CCNYL1: variants seen among roughly 807,000 people sequenced by gnomAD.
The protein encoded by CCNYL1 is cyclin Y like 1.
In CCNYL1, 16 loss-of-function variants were observed where a neutral mutation model predicts 44.2. That is an observed-to-expected ratio of 0.36 (90% CI 0.25 to 0.55). CCNYL1 has a LOEUF of 0.55. Among genes scored for constraint, CCNYL1 ranks in the 20% least tolerant of loss-of-function variants. The pLI, the probability that CCNYL1 is intolerant of heterozygous loss-of-function variation, is 0.85. For synonymous variants in CCNYL1, 159 were observed against 163.2 expected (o/e 0.97, Z 0.20); for missense variants, 348 against 451.8 (o/e 0.77, Z 2.08).
rs543689322 is a variant in CCNYL1, at chr2:207,712,112, C to T, written c.216C>T (p.Pro72=). The T allele has an allele frequency of 1.2e-5, 19 of 1,598,486 alleles. No individual in the cohort carries two copies. The highest frequency in any genetic ancestry group is 1.2e-4 in the Admixed American group (7 of 59,194). The change falls in exon 1 of 10, where the codon CCC becomes CCT. Residue 72 remains proline (P), a synonymous_variant. Coordinates refer to ENST00000295414, the MANE Select transcript of CCNYL1 (RefSeq NM_001330218.2). ...HLQHISDREM[P]EDLALESNPS... is the part of the protein sequence containing the mutation. ...AGCACATCAGCGACCGCGAGATGCC[C>T]GAAGGTAAGGAGGCGGCGGATGCCA...
chr2:207,723,762 C>T (rs775673353), intron 1 of CCNYL1, among the ~76,000 whole-genome samples: 1 of 150,228 alleles, frequency 6.7e-6, no homozygotes, highest in Non-Finnish European at 1.5e-5. Context: ...GTAATCCCAG[C>T]TATTTGGGAT....
intron 1 of CCNYL1, among the ~76,000 whole-genome samples, chr2:207,713,651 A>G (rs1033841010): frequency 3.0e-4 from 46 of 152,238 alleles, no homozygotes; most frequent in African/African-American, 1.1e-3. Flanking sequence ...AGATTTCATT[A>G]CTATAGAAGA....
chr2:207,712,218 C>G lies in CCNYL1; in HGVS notation c.220+102C>G. ...TCCGCCGCCTCGGGCTCCTTCCTGC[C>G]GGTAGCCGGCCCCGGGACGAAGGCT... On this transcript the variant is annotated intron_variant, in intron 1 of 9. Transcript: ENST00000295414. The G allele has an allele frequency of 7.4e-6, 7 of 950,734 alleles. No homozygotes were observed. In the South Asian group the frequency reaches 8.0e-5, roughly 11 times the overall value. 58.9% of individuals were successfully genotyped at this position (950,734 alleles called of 1,614,324 possible).
In CCNYL1 at chr2:207,754,872, A is replaced by G. The variant is rs1242213792; in HGVS notation, c.*1174A>G. 6.6e-6 allele frequency: 1 copy of G among 152,048 alleles called. No homozygotes were observed. Among genetic ancestry groups the G allele is most frequent in the African/African-American group, 2.4e-5 (1 of 41,292 alleles). 9.4% of individuals were successfully genotyped at this position (152,048 alleles called of 1,614,324 possible). On this transcript the variant is annotated 3_prime_UTR_variant, in exon 10 of 10. Transcript: ENST00000295414. ...AGACATTGACTGAAACAAAAAATTA[A>G]AAGCTTTATATTCAAAATTTGCAAA...
At chr2:207,742,610 A>G (rs933277636) in intron 7 of CCNYL1, among the ~76,000 whole-genome samples, 19 of 152,162 alleles carry the variant, frequency 1.2e-4, no homozygotes, top group African/African-American at 3.1e-4. Flanking sequence ...GCACATGTAC[A>G]CATTCAGTGT....
chr2:207,747,240 T>C, intron 8 of CCNYL1, 27 bp downstream of exon 8: 1 of 1,583,646 alleles, frequency 6.3e-7, no homozygotes, highest in Non-Finnish European at 8.6e-7. Context: ...TTGGTGAACT[T>C]TCTAACCATT....
intron 5 of CCNYL1, among the ~76,000 whole-genome samples, chr2:207,739,273 C>T (rs540629009): frequency 2.6e-5 from 4 of 152,234 alleles, no homozygotes; most frequent in Admixed American, 1.3e-4. Context: ...CACTCTGTTG[C>T]CCAGGCTGGA....
intron 7 of CCNYL1, among the ~76,000 whole-genome samples, chr2:207,745,767 G>A (rs1370087690): frequency 2.0e-5 from 3 of 152,114 alleles, no homozygotes; most frequent in African/African-American, 4.8e-5. Context: ...TGGCCAACAT[G>A]GTGAAACCCC....
rs1266641524 is a variant in CCNYL1, at chr2:207,754,843, TAGC to T, written c.*1148_*1150del. 6.5e-6 allele frequency: 1 copy of T among 153,772 alleles called. No individual in the cohort carries two copies. The highest frequency in any genetic ancestry group is 2.0e-4 in the East Asian group (1 of 5,124). The allele number at this position is 153,772 out of a possible 1,614,324, so 9.5% of individuals were successfully genotyped here. On this transcript the variant is annotated 3_prime_UTR_variant, in exon 10 of 10. Coordinates refer to ENST00000295414, the MANE Select transcript of CCNYL1 (RefSeq NM_001330218.2). ...AATTTTTTGTTTCGGTCACTCTTGA[TAGC>T]AGACATTGACTGAAACAAAAAATTA...
chr2:207,712,182 C>G, intron 1 of CCNYL1, 66 bp downstream of exon 1: 1 of 1,384,168 alleles, frequency 7.2e-7, no homozygotes, highest in Non-Finnish European at 9.8e-7. Context: ...CCCAGAGTCC[C>G]CCGGGAGGCA....
At chr2:207,717,002 G>A (rs560504073) in intron 1 of CCNYL1, among the ~76,000 whole-genome samples, 105 of 151,878 alleles carry the variant, frequency 6.9e-4, no homozygotes, top group Non-Finnish European at 1.1e-3. Flanking sequence ...CCAGCTACTC[G>A]GGAGGCTGAG....
At chr2:207,724,647 G>A (rs936604672) in intron 1 of CCNYL1, among the ~76,000 whole-genome samples, 153 bp from the exon 2 acceptor site, 1 of 152,132 alleles carries the variant, frequency 6.6e-6, no homozygotes, top group African/African-American at 2.4e-5. Context: ...CATTCCCCAG[G>A]AGTATTTTTG....
At position 207,731,808 on chromosome 2, in the gene CCNYL1, T is replaced by C. The variant is rs1191171293; in HGVS notation, c.331-2139T>C. Among the ~76,000 whole-genome samples the C allele has an allele frequency of 2.6e-3, 6 of 2,304 alleles. No homozygotes were observed. In the Admixed American group the frequency reaches 0.062, roughly 24 times the overall value. The allele number at this position is 2,304 out of a possible 152,430, so 1.5% of individuals were successfully genotyped here. The stretch of plus-strand genomic sequence containing the variant: ...ATTGATTAGCAGAGAGGTTTCTTCT[T>C]TTTTTTTTTTTTTTTTTTTGAGACC... On this transcript the variant is annotated intron_variant, in intron 3 of 9. Coordinates refer to ENST00000295414, the MANE Select transcript of CCNYL1 (RefSeq NM_001330218.2).
chr2:207,744,151 A>G (rs944896551), intron 7 of CCNYL1, among the ~76,000 whole-genome samples: 2 of 152,148 alleles, frequency 1.3e-5, no homozygotes, highest in African/African-American at 4.8e-5. Flanking sequence ...TTGAGCAGTG[A>G]CCTGATCAAA....
At position 207,747,161 on chromosome 2, in the gene CCNYL1, G is replaced by A. The variant is rs766178986; in HGVS notation, c.754G>A (p.Val252Ile). Residue 252 changes from valine (V) to isoleucine (I), a missense_variant, in exon 8 of 10, where the codon GTA (valine) becomes ATA (isoleucine). Physicochemically the swap from Val to Ile is conservative, Grantham distance 29. Around this residue, in one of 3 missense-constraint regions of CCNYL1, gnomAD observed 45 missense variants for 101.7 expected, o/e 0.44. Coordinates refer to ENST00000295414, the MANE Select transcript of CCNYL1 (RefSeq NM_001330218.2). ...LASKVWDDQA[V>I]WNVDYCQILK... Reference sequence around the variant, plus strand: ...CTCCAAGGTTTGGGACGATCAGGCTGTATGGAATGTGGACTACTGCCAGAT... The same window carrying A: ...CTCCAAGGTTTGGGACGATCAGGCTATATGGAATGTGGACTACTGCCAGAT... The A allele has an allele frequency of 6.2e-6, 10 of 1,614,010 alleles. No homozygotes were observed. The highest frequency in any genetic ancestry group is 4.5e-5 in the East Asian group (2 of 44,886).
At chr2:207,725,903 A>G (rs1455996302) in intron 2 of CCNYL1, among the ~76,000 whole-genome samples, 3 of 152,256 alleles carry the variant, frequency 2.0e-5, no homozygotes, top group Non-Finnish European at 4.4e-5. Flanking sequence ...CAGCAAGAAT[A>G]CAAGAAGTGG....
At chr2:207,751,819 ACT>A (rs1323897925) in intron 9 of CCNYL1, among the ~76,000 whole-genome samples, 2 of 148,406 alleles carry the variant, frequency 1.3e-5, no homozygotes, top group African/African-American at 5.0e-5. Flanking sequence ...GTGCCATTGC[ACT>A]CCAGCCTGGG....
At chr2:207,747,412 A>G (rs1484942531) in intron 8 of CCNYL1, among the ~76,000 whole-genome samples, 199 bp downstream of exon 8, 2 of 151,990 alleles carry the variant, frequency 1.3e-5, no homozygotes, top group Admixed American at 6.6e-5. Context: ...CTAACTTCAT[A>G]TTTTCCATCA....
At chr2:207,750,741 C>A in intron 8 of CCNYL1, 1 of 466,858 alleles carries the variant, frequency 2.1e-6, no homozygotes, top group Non-Finnish European at 3.8e-6. Flanking sequence ...GAGGCCGTAA[C>A]CTTCAACCTT....
Sources: allele counts gnomAD v4.1 joint callset (sites outside exome capture counted in the v4.1 genomes callset), GRCh38; gene constraint gnomAD v4.1.1; regional missense constraint gnomAD v4.1.1; transcripts MANE v1.5; gene names NCBI Gene and HGNC (gene_info 2026-07-23, HGNC 2026-07-21).